ZDHHC15: variants seen among roughly 807,000 people sequenced by gnomAD.
ZDHHC15 encodes zDHHC palmitoyltransferase 15, also known as palmitoyltransferase ZDHHC15.
ZDHHC15 carries 19 observed loss-of-function variants against 31.7 expected under a neutral mutation model. That is an observed-to-expected ratio of 0.60 (90% CI 0.42 to 0.88). The LOEUF (loss-of-function observed/expected upper bound fraction) is 0.88, where lower values mean the gene tolerates loss of function less well. ZDHHC15 is among the 40% of genes least tolerant of loss of function. ZDHHC15 has a pLI of 0.00. For synonymous variants in ZDHHC15, 103 were observed against 90.0 expected (o/e 1.14, Z -0.82); for missense variants, 209 against 251.2 (o/e 0.83, Z 1.14).
intron 3 of ZDHHC15, among the ~76,000 whole-genome samples, chrX:75,465,001 A>C (rs777302245): frequency 4.1e-4 from 46 of 111,939 alleles, no homozygotes; most frequent in Non-Finnish European, 7.5e-4. Flanking sequence ...AATAGGAATA[A>C]AGGAAGTCAA....
At chrX:75,426,195 A>C (rs1213688926) in intron 7 of ZDHHC15, among the ~76,000 whole-genome samples, 1 of 112,093 alleles carries the variant, frequency 8.9e-6, no homozygotes, top group Non-Finnish European at 1.9e-5. Flanking sequence ...TTGCTTTCAC[A>C]ATCTTTAGTT....
chrX:75,451,129 T>TA (rs1430232979), intron 3 of ZDHHC15, among the ~76,000 whole-genome samples: 2 of 112,033 alleles, frequency 1.8e-5, no homozygotes, highest in African/African-American at 6.5e-5. Context: ...GTGTATTTTT[T>TA]AATAAAGAAA....
At chrX:75,489,615 G>A (rs1055138952) in intron 2 of ZDHHC15, among the ~76,000 whole-genome samples, 2 of 111,346 alleles carry the variant, frequency 1.8e-5, no homozygotes, top group African/African-American at 3.3e-5. Context: ...AAAGACCAAA[G>A]GTAGATAAAA....
At chrX:75,385,033 C>T (rs2083165319) in intron 10 of ZDHHC15, among the ~76,000 whole-genome samples, 1 of 111,756 alleles carries the variant, frequency 8.9e-6, no homozygotes, top group Non-Finnish European at 1.9e-5. Flanking sequence ...CTGTCTAAGT[C>T]CTGTGGCAGT....
chrX:75,445,862 C>T (rs762733822), intron 4 of ZDHHC15, among the ~76,000 whole-genome samples: 7 of 111,630 alleles, frequency 6.3e-5, no homozygotes, highest in Non-Finnish European at 1.1e-4. Flanking sequence ...GTAGAAGCAG[C>T]TTCCAACTGC....
chrX:75,495,591 C>T (rs1238128042), intron 2 of ZDHHC15, among the ~76,000 whole-genome samples: 2 of 110,605 alleles, frequency 1.8e-5, no homozygotes, highest in African/African-American at 3.3e-5. Context: ...CCATGGAATA[C>T]CATGCAGCCA....
Position 75,450,793 on chromosome X carries a change from T to C in ZDHHC15, c.379+9A>G, listed in dbSNP as rs369193153. The C allele has an allele frequency of 7.4e-6, 9 of 1,208,877 alleles. No individual in the cohort carries two copies. In the East Asian group the frequency reaches 2.4e-4, roughly 32 times the overall value. On this transcript the variant is annotated intron_variant, in intron 4 of 11. Transcript: ENST00000373367. ...AGCTGCCTCTCTAGCTGCCTTTGGATGAACTGACCTCCACTTCCAGTTCTT... is the reference window on the plus strand; with the variant it reads ...AGCTGCCTCTCTAGCTGCCTTTGGACGAACTGACCTCCACTTCCAGTTCTT...
chrX:75,443,380 T>C (rs2083975566), intron 4 of ZDHHC15, among the ~76,000 whole-genome samples: 1 of 111,938 alleles, frequency 8.9e-6, no homozygotes, highest in Non-Finnish European at 1.9e-5. Flanking sequence ...GCATTCCCTA[T>C]TTAACAAACG....
chrX:75,503,017 T>C (rs1035503903), intron 2 of ZDHHC15, among the ~76,000 whole-genome samples: 3 of 110,710 alleles, frequency 2.7e-5, no homozygotes, highest in African/African-American at 9.8e-5. Context: ...TACAGAGAAA[T>C]AATAAATGTT....
chrX:75,417,146 G>T lies in ZDHHC15; in HGVS notation c.908C>A (p.Ser303Ter). Reference protein sequence around the residue: ...HSFPMRSMNESQNPLLANEET... With the variant: ...HSFPMRSMNE ...TTCATTTGCTAGCAGTGGGTTCTGT[G>T]ACTCATTCATAGACCTCATAGGGAA... is the stretch of plus-strand genomic sequence containing the variant. Residue 303 changes from serine (S) to a stop codon, truncating the protein, a stop_gained, in exon 10 of 12, where the codon TCA becomes TAA. Coordinates refer to ENST00000373367, the MANE Select transcript of ZDHHC15 (RefSeq NM_144969.3). LOFTEE classifies it high-confidence loss of function. 8.3e-7 allele frequency: 1 copy of T among 1,209,576 alleles called. No homozygotes were observed. Among genetic ancestry groups the T allele is most frequent in the South Asian group, 1.8e-5 (1 of 56,841 alleles).
At chrX:75,481,848 C>T (rs1342474501) in intron 2 of ZDHHC15, among the ~76,000 whole-genome samples, 2 of 112,112 alleles carry the variant, frequency 1.8e-5, no homozygotes, top group Non-Finnish European at 3.8e-5. Flanking sequence ...TATTAAGATG[C>T]TGCAGATCAG....
At chrX:75,392,886 C>T (rs1349098313) in intron 10 of ZDHHC15, among the ~76,000 whole-genome samples, 4 of 110,547 alleles carry the variant, frequency 3.6e-5, no homozygotes, top group Non-Finnish European at 7.6e-5. Context: ...TCTTCTACTA[C>T]CCATTCTGTA....
chrX:75,427,189 G>A (rs909373749), intron 7 of ZDHHC15, among the ~76,000 whole-genome samples: 2 of 111,364 alleles, frequency 1.8e-5, no homozygotes, highest in African/African-American at 6.5e-5. Flanking sequence ...GAGACTGCCA[G>A]GGAGCATTTC....
intron 11 of ZDHHC15, among the ~76,000 whole-genome samples, chrX:75,377,364 G>GCA (rs2083070969): frequency 9.1e-6 from 1 of 109,978 alleles, no homozygotes; most frequent in African/African-American, 3.3e-5. Context: ...GGGCGTGGTG[G>GCA]CACACACCTG....
chrX:75,444,687 T>TATATATACACACAC (rs2084007375), intron 4 of ZDHHC15, among the ~76,000 whole-genome samples: 1 of 29,496 alleles, frequency 3.4e-5, no homozygotes, highest in Non-Finnish European at 5.4e-5. Flanking sequence ...TATATATATA[T>TATATATACACACAC]ACACACACAC....
chrX:75,494,260 A>C (rs1226310735), intron 2 of ZDHHC15, among the ~76,000 whole-genome samples: 2 of 111,282 alleles, frequency 1.8e-5, no homozygotes, highest in Non-Finnish European at 3.8e-5. Flanking sequence ...AGAACTACAA[A>C]CCACTGCTCA....
At chrX:75,453,398 A>C (rs1202768036) in intron 3 of ZDHHC15, among the ~76,000 whole-genome samples, 1 of 111,713 alleles carries the variant, frequency 9.0e-6, no homozygotes, top group African/African-American at 3.3e-5. Flanking sequence ...ACAATAATTA[A>C]TAGCCTACCA....
intron 3 of ZDHHC15, among the ~76,000 whole-genome samples, chrX:75,451,795 AT>A (rs979444612): frequency 1.3e-4 from 15 of 111,433 alleles, no homozygotes; most frequent in Non-Finnish European, 2.6e-4. Context: ...TAGAAGTCTA[AT>A]TTTTGAATTG....
rs2083004034 is a variant in ZDHHC15, at chrX:75,371,273, T to C, written c.*1705A>G. On this transcript the variant is annotated 3_prime_UTR_variant, in exon 12 of 12. Coordinates refer to ENST00000373367, the MANE Select transcript of ZDHHC15 (RefSeq NM_144969.3). ...GAAAGAGTGTAAGGGGAAATTTTTT[T>C]CCATCTGAATATATAAGAAGATTTC... 4 of 111,850 alleles carry C rather than the reference T, an allele frequency of 3.6e-5. No individual in the cohort carries two copies. In the South Asian group the frequency reaches 1.5e-3, roughly 42 times the overall value. The allele number at this position is 111,850 out of a possible 1,213,427, so 9.2% of individuals were successfully genotyped here.
Sources: allele counts gnomAD v4.1 joint callset (sites outside exome capture counted in the v4.1 genomes callset), GRCh38; gene constraint gnomAD v4.1.1; transcripts MANE v1.5; gene names NCBI Gene and HGNC (gene_info 2026-07-23, HGNC 2026-07-21).